Variants in PNISR observed in about 807,000 individuals in gnomAD.
PNISR encodes the protein arginine/serine-rich protein PNISR.
Under a neutral mutation model 93.4 loss-of-function variants are expected in PNISR, and 20 were observed. The ratio of observed to expected loss-of-function variants is 0.21; its 90% CI spans 0.15 to 0.31. The LOEUF is 0.31. PNISR is among the 10% of genes least tolerant of loss of function. PNISR has a pLI of 1.00. For synonymous variants in PNISR, 305 were observed against 306.5 expected, an observed-to-expected ratio of 0.99 and a Z score of 0.05; for missense variants, 893 against 985.4, an observed-to-expected ratio of 0.91 and a Z score of 1.25.
intron 6 of PNISR, among the ~76,000 whole-genome samples, chr6:99,408,514 T>C (rs1397865759): frequency 6.6e-6 from 1 of 152,178 alleles, no homozygotes; most frequent in Non-Finnish European, 1.5e-5. Context: ...TACTCCACTT[T>C]TTTCCACAGG....
At chr6:99,420,832 A>AG (rs1242672418) in intron 1 of PNISR, among the ~76,000 whole-genome samples, 3 of 152,232 alleles carry the variant, frequency 2.0e-5, no homozygotes, top group Non-Finnish European at 4.4e-5. Context: ...CTTTTTATAG[A>AG]GGGTCTGCAT....
chr6:99,414,753 CAG>C (rs1777440943), intron 2 of PNISR, 63 bp from the exon 3 acceptor site: 1 of 677,928 alleles, frequency 1.5e-6, no homozygotes, highest in African/African-American at 1.9e-5. Flanking sequence ...AACCTCACAT[CAG>C]AAATTATTAT....
Position 99,409,338 on chromosome 6 carries a change from C to A in PNISR, c.508G>T (p.Ala170Ser). 4.3e-6 allele frequency: 7 copies of A among 1,613,374 alleles called. No individual in the cohort carries two copies. The highest frequency in any genetic ancestry group is 5.9e-6 in the Non-Finnish European group (7 of 1,179,770). Residue 170 changes from alanine (A) to serine (S), a missense_variant, in exon 6 of 12, where the codon GCT becomes TCT. By Grantham distance (99) the Ala-to-Ser change is moderately conservative. Around this residue, in one of 3 missense-constraint regions of PNISR, gnomAD observed 866 missense variants for 935.1 expected, o/e 0.93. Coordinates refer to ENST00000369239, the MANE Select transcript of PNISR (RefSeq NM_032870.4). ...PVNQFDYQHGAAFGPPQGGFH... is the reference protein window; with the variant it reads ...PVNQFDYQHGSAFGPPQGGFH... ...CCACCTTGCGGTGGACCAAAAGCAG[C>A]CCCATGCTGAAAGAGTATTGCAGTT...
rs1429296464 is a variant in PNISR at position 99,399,041 on chromosome 6, C to T, written c.*1499G>A. 2 of 152,010 alleles carry T rather than the reference C, an allele frequency of 1.3e-5. No individual in the cohort carries two copies. Among genetic ancestry groups the T allele is most frequent in the Non-Finnish European group, 2.9e-5 (2 of 67,934 alleles). 9.4% of individuals were successfully genotyped at this position (152,010 alleles called of 1,614,324 possible). ...TAATCTATGTAGAGGTACAAGAGCACACTATACAAATCTATTTCTATCTTC... is the reference window on the plus strand; with the variant it reads ...TAATCTATGTAGAGGTACAAGAGCATACTATACAAATCTATTTCTATCTTC... On this transcript the variant is annotated 3_prime_UTR_variant, in exon 12 of 12. Transcript: ENST00000369239.
intron 5 of PNISR, chr6:99,410,253 G>T (rs1776736981): frequency 6.3e-6 from 1 of 158,266 alleles, no homozygotes; most frequent in Non-Finnish European, 1.4e-5. Flanking sequence ...GGATGCTACA[G>T]AGGAAATTAT....
Position 99,401,834 on chromosome 6 carries a change from A to C in PNISR, c.1328-204T>G, listed in dbSNP as rs1009861065. 2.0e-5 allele frequency among the ~76,000 whole-genome samples: 3 copies of C among 152,234 alleles called. 1 individual carries two copies. Among genetic ancestry groups the C allele is most frequent in the African/African-American group, 7.2e-5 (3 of 41,458 alleles). On this transcript the variant is annotated intron_variant, in intron 11 of 11. Transcript: ENST00000369239. Reference sequence around the variant, plus strand: ...TAAAATAACCCAATATACCAAAAATATTATCATTTCAACACATAATAAATT... The same window carrying C: ...TAAAATAACCCAATATACCAAAAATCTTATCATTTCAACACATAATAAATT...
chr6:99,421,524 G>T (rs993321620), intron 1 of PNISR, among the ~76,000 whole-genome samples: 5 of 152,150 alleles, frequency 3.3e-5, no homozygotes, highest in Admixed American at 2.6e-4. Context: ...CAGGGAGAAT[G>T]TAACATGACC....
At chr6:99,423,354 G>C (rs1398251093) in intron 1 of PNISR, among the ~76,000 whole-genome samples, 1 of 152,192 alleles carries the variant, frequency 6.6e-6, no homozygotes, top group Non-Finnish European at 1.5e-5. Flanking sequence ...ATCTCCCACA[G>C]AGAATTCCAA....
rs776384916 is a variant in PNISR at position 99,401,301 on chromosome 6, T to C, written c.1657A>G (p.Lys553Glu). Residue 553 changes from lysine (K) to glutamate (E), a missense_variant, in exon 12 of 12, where the codon AAA (lysine) becomes GAA (glutamate). Coordinates refer to ENST00000369239, the MANE Select transcript of PNISR (RefSeq NM_032870.4). ...CTCCTACTGTGTCTCTTTTTCCTTT[T>C]AGGAGAAGAAGACCGAGAAGAAGTA... ...SRTSSRSSSP[K>E]RKKRHSRSRS... The C allele has an allele frequency of 1.2e-6, 2 of 1,614,074 alleles. No individual in the cohort carries two copies. The highest frequency in any genetic ancestry group is 1.7e-5 in the Admixed American group (1 of 60,004).
chr6:99,402,384 A>C (rs1221296089), intron 11 of PNISR, among the ~76,000 whole-genome samples, 156 bp downstream of exon 11: 1 of 152,210 alleles, frequency 6.6e-6, no homozygotes, highest in Non-Finnish European at 1.5e-5. Context: ...AATGGCTCCT[A>C]AAACAACCAA....
intron 1 of PNISR, among the ~76,000 whole-genome samples, chr6:99,423,998 T>C (rs2128500769): frequency 6.6e-6 from 1 of 152,262 alleles, no homozygotes; most frequent in East Asian, 1.9e-4. Flanking sequence ...GACCTCATCT[T>C]CTTTAAAGAC....
chr6:99,407,544 C>A (rs910351335), intron 7 of PNISR, among the ~76,000 whole-genome samples: 1 of 152,008 alleles, frequency 6.6e-6, no homozygotes, highest in African/African-American at 2.4e-5. Context: ...AGAAAATGGC[C>A]GTGCAAGACA....
Position 99,399,301 on chromosome 6 carries a change from T to C in PNISR, c.*1239A>G, listed in dbSNP as rs1159389960. On this transcript the variant is annotated 3_prime_UTR_variant, in exon 12 of 12. Transcript: ENST00000369239. ...TGCTTTGAGAGCCCCATTCTACTTG[T>C]AAGTTATCAATGCCTTAAACTGTTA... 6.6e-6 allele frequency: 1 copy of C among 152,144 alleles called. No homozygotes were observed. The highest frequency in any genetic ancestry group is 1.5e-5 in the Non-Finnish European group (1 of 67,974). The allele number at this position is 152,144 out of a possible 1,614,324, so 9.4% of individuals were successfully genotyped here. A position where few individuals can be genotyped will look rare whatever the true frequency, so the allele number is the denominator to read the frequency against.
intron 1 of PNISR, among the ~76,000 whole-genome samples, chr6:99,419,979 G>A (rs1247607630): frequency 1.3e-5 from 2 of 151,862 alleles, no homozygotes; most frequent in East Asian, 3.9e-4. Context: ...CTGCCTCCCA[G>A]GCTCACACCA....
Position 99,412,669 on chromosome 6 carries a change from C to T in PNISR, c.159G>A (p.Met53Ile), listed in dbSNP as rs1234062567. Residue 53 changes from methionine (M) to isoleucine (I), a missense_variant, in exon 4 of 12, where the codon ATG (methionine) becomes ATA (isoleucine). Physicochemically the swap from Met to Ile is conservative, Grantham distance 10 (BLOSUM62 1). Coordinates refer to ENST00000369239, the MANE Select transcript of PNISR (RefSeq NM_032870.4). ...GCATCATTCCTGGTGGTTGTTCTACCATGCTTTGCTGTCCTGAAGCTTCTC... is the reference window on the plus strand; with the variant it reads ...GCATCATTCCTGGTGGTTGTTCTACTATGCTTTGCTGTCCTGAAGCTTCTC... ...AQREASGQQS[M>I]VEQPPGMMPN... 1.2e-6 allele frequency: 2 copies of T among 1,612,618 alleles called. No individual in the cohort carries two copies. The highest frequency in any genetic ancestry group is 1.6e-4 in the Middle Eastern group (1 of 6,076).
chr6:99,417,699 C>T (rs1777885536), intron 1 of PNISR, among the ~76,000 whole-genome samples: 1 of 152,122 alleles, frequency 6.6e-6, no homozygotes, highest in African/African-American at 2.4e-5. Flanking sequence ...AGCGCGGTAG[C>T]TCACGTGTGT....
intron 9 of PNISR, 95 bp downstream of exon 9, chr6:99,404,508 G>T: frequency 2.7e-6 from 2 of 753,106 alleles, no homozygotes; most frequent in South Asian, 1.4e-5. Context: ...TCAAATATCT[G>T]GTAGAAATCC....
chr6:99,414,827 C>G (rs1202446304), intron 2 of PNISR, 137 bp from the exon 3 acceptor site: 1 of 442,904 alleles, frequency 2.3e-6, no homozygotes, highest in Admixed American at 4.1e-5. Flanking sequence ...CCAGAGGCAA[C>G]TAGAATTTTT....
chr6:99,401,604 T>C lies in PNISR; in HGVS notation c.1354A>G (p.Thr452Ala). ...EEEKQQTERVTKEMNEFIHKE... is the reference protein window; with the variant it reads ...EEEKQQTERVAKEMNEFIHKE... Reference sequence around the variant, plus strand: ...TGGATAAATTCATTCATCTCTTTTGTAACCCTTTCTGTTTGCTGCTTTTCT... The same window carrying C: ...TGGATAAATTCATTCATCTCTTTTGCAACCCTTTCTGTTTGCTGCTTTTCT... The change falls in exon 12 of 12, where the codon ACA becomes GCA. Residue 452 changes from threonine to alanine, a missense_variant. Physicochemically the swap from Thr to Ala is moderately conservative, Grantham distance 58. Transcript: ENST00000369239. The C allele has an allele frequency of 6.4e-7, 1 of 1,553,340 alleles. No homozygotes were observed.
Sources: gnomAD v4.1 joint callset for allele counts (sites outside exome capture counted in the v4.1 genomes callset) on GRCh38, gnomAD v4.1.1 for gene constraint, gnomAD v4.1.1 regional missense constraint, MANE v1.5 for transcripts, NCBI Gene and HGNC (gene_info 2026-07-23, HGNC 2026-07-21) for gene names.